Variants in TTBK1 observed in about 807,000 individuals in gnomAD.
TTBK1 encodes tau tubulin kinase 1.
In TTBK1, 34 loss-of-function variants were observed where a neutral mutation model predicts 108.5. The observed-to-expected ratio is 0.31, with a 90% confidence interval of 0.24 to 0.42. The LOEUF is 0.42. Ranked by LOEUF, TTBK1 falls within the 10% of genes least tolerant of loss-of-function variation. TTBK1 has a pLI of 1.00. For synonymous variants in TTBK1, 809 were observed against 795.1 expected, an observed-to-expected ratio of 1.02 and a Z score of -0.29; for missense variants, 1,539 against 1,826.0, an observed-to-expected ratio of 0.84 and a Z score of 2.86.
chr6:43,263,210 C>A lies in TTBK1; in HGVS notation c.1846C>A (p.Leu616Met). ...EDLQHLPPQPLPPQLSQGDGR... is the reference protein window; with the variant it reads ...EDLQHLPPQPMPPQLSQGDGR... The stretch of plus-strand genomic sequence containing the variant: ...CCTGCAGCATTTGCCGCCCCAGCCC[C>A]TGCCACCCCAGCTGAGCCAGGGCGA... Residue 616 changes from leucine to methionine, a missense_variant, in exon 13 of 15, where the codon CTG (leucine) becomes ATG (methionine). By Grantham distance (15) the Leu-to-Met change is conservative. This residue lies in a region of TTBK1 where 1,055 missense variants were observed against 1,086.5 expected (regional missense o/e 0.97). Coordinates refer to ENST00000259750, the MANE Select transcript of TTBK1 (RefSeq NM_032538.3). This position sits in a 1 kb window ranked among gnomAD's most constrained non-coding sequence, Gnocchi z 4.7. The A allele has an allele frequency of 6.3e-7, 1 of 1,579,910 alleles. No individual in the cohort carries two copies.
chr6:43,272,563 C>G, intron 13 of TTBK1: 1 of 985,364 alleles, frequency 1.0e-6, no homozygotes. Context: ...GGGGGACATC[C>G]TTTTGTATAT....
intron 1 of TTBK1, 105 bp from the exon 2 acceptor site, chr6:43,246,502 G>A: frequency 1.8e-6 from 1 of 559,706 alleles, no homozygotes; most frequent in South Asian, 2.4e-5. Flanking sequence ...TCTGTCCAGT[G>A]GGGCCAGGAA....
chr6:43,281,295 GA>G (rs1275757261), intron 13 of TTBK1, among the ~76,000 whole-genome samples: 4 of 150,902 alleles, frequency 2.7e-5, no homozygotes, highest in Non-Finnish European at 5.9e-5. Context: ...AGAATCACTT[GA>G]ACCCGGGAGG....
In TTBK1 at chr6:43,282,064, A is replaced by G. The variant is rs1778179242; in HGVS notation, c.1987-663A>G. On this transcript the variant is annotated intron_variant, in intron 13 of 14. Coordinates refer to ENST00000259750, the MANE Select transcript of TTBK1 (RefSeq NM_032538.3). The surrounding 1 kb of genome is among the most constrained non-coding windows in gnomAD (Gnocchi z 5.4). ...AAGTATACCTGTCGAGGGCTGGACA[A>G]ATTCCTGGCTGAGAGGATGGATTGG... Among the ~76,000 whole-genome samples, 2 of 152,220 alleles carry G rather than the reference A, an allele frequency of 1.3e-5. No individual in the cohort carries two copies. Among genetic ancestry groups the G allele is most frequent in the Non-Finnish European group, 2.9e-5 (2 of 68,034 alleles).
At position 43,263,153 on chromosome 6, in the gene TTBK1, G is replaced by A. The variant is rs1333133898; in HGVS notation, c.1789G>A (p.Gly597Arg). 1.3e-6 allele frequency: 2 copies of A among 1,570,094 alleles called. No homozygotes were observed. The highest frequency in any genetic ancestry group is 1.3e-5 in the African/African-American group (1 of 74,114). The change falls in exon 13 of 15, where the codon GGA (glycine) becomes AGA (arginine). Residue 597 changes from glycine to arginine, a missense_variant. By Grantham distance (125) the Gly-to-Arg change is moderately radical. This residue lies in a region of TTBK1 where 1,055 missense variants were observed against 1,086.5 expected (regional missense o/e 0.97). Coordinates refer to ENST00000259750, the MANE Select transcript of TTBK1 (RefSeq NM_032538.3). This position sits in a 1 kb window ranked among gnomAD's most constrained non-coding sequence, Gnocchi z 4.7. ...LGAEPTVRPR[G>R]RSMQALAEED... is the part of the protein sequence containing the mutation. ...GGCAGAGCCCACCGTCCGGCCCCGGGGACGCAGCATGCAGGCGCTGGCGGA... is the reference window on the plus strand; with the variant it reads ...GGCAGAGCCCACCGTCCGGCCCCGGAGACGCAGCATGCAGGCGCTGGCGGA...
chr6:43,247,498 T>C (rs778965948), intron 2 of TTBK1, among the ~76,000 whole-genome samples: 1 of 152,066 alleles, frequency 6.6e-6, no homozygotes, highest in East Asian at 1.9e-4. Flanking sequence ...CCTCTTATTA[T>C]TGTGGGGGCA....
chr6:43,267,160 A>G (rs916031717), intron 13 of TTBK1, among the ~76,000 whole-genome samples: 9 of 152,152 alleles, frequency 5.9e-5, no homozygotes, highest in African/African-American at 1.7e-4. Context: ...GGGGTACAAC[A>G]TGTTTCGCCA....
rs1778355093 is a variant in TTBK1 at position 43,285,560 on chromosome 6, C to T, written c.*184C>T. The T allele has an allele frequency of 1.4e-6, 1 of 727,490 alleles. No individual in the cohort carries two copies. The highest frequency in any genetic ancestry group is 1.9e-5 in the African/African-American group (1 of 53,930). The allele number at this position is 727,490 out of a possible 1,614,324, so 45.1% of individuals were successfully genotyped here. On this transcript the variant is annotated 3_prime_UTR_variant, in exon 15 of 15. Transcript: ENST00000259750. This position sits in a 1 kb window ranked among gnomAD's most constrained non-coding sequence, Gnocchi z 4.7. The stretch of plus-strand genomic sequence containing the variant: ...CGCGGCGCCCCGCCAGGCCTTAGGG[C>T]CCGTGGGGGACGCGGCCCCGCGCCG...
intron 14 of TTBK1, among the ~76,000 whole-genome samples, chr6:43,284,541 C>T (rs1010861435): frequency 6.6e-6 from 1 of 152,164 alleles, no homozygotes; most frequent in Admixed American, 6.5e-5. Context: ...GAGGGGGTGC[C>T]GGAGAGGCCA....
intron 1 of TTBK1, among the ~76,000 whole-genome samples, chr6:43,245,979 C>T (rs997081201): frequency 2.0e-5 from 3 of 152,234 alleles, no homozygotes; most frequent in Non-Finnish European, 4.4e-5. Context: ...ACCTCCCAAC[C>T]CCATGGCTGT....
chr6:43,282,885 C>T lies in TTBK1; in HGVS notation c.2145C>T (p.Leu715=), dbSNP rs1204601681. Residue 715 remains leucine, a synonymous_variant, in exon 14 of 15, where the codon CTC becomes CTT. Coordinates refer to ENST00000259750, the MANE Select transcript of TTBK1 (RefSeq NM_032538.3). The surrounding 1 kb of genome is among the most constrained non-coding windows in gnomAD (Gnocchi z 5.4). ...VRRVGFSHML[L]TTPQVPLAPV... ...GGGTGGGCTTCTCGCACATGCTGCT[C>T]ACCACCCCCCAGGTCCCACTGGCTC... 1 of 1,613,790 alleles carries T rather than the reference C, an allele frequency of 6.2e-7. No individual in the cohort carries two copies. Among genetic ancestry groups the T allele is most frequent in the Non-Finnish European group, 8.5e-7 (1 of 1,179,970 alleles).
chr6:43,279,612 G>A (rs1311403822), intron 13 of TTBK1, among the ~76,000 whole-genome samples: 1 of 152,140 alleles, frequency 6.6e-6, no homozygotes. Context: ...ATTGGTGACT[G>A]GCAAAGTGTC....
chr6:43,258,033 T>A, intron 10 of TTBK1, 67 bp downstream of exon 10: 1 of 1,520,154 alleles, frequency 6.6e-7, no homozygotes, highest in Non-Finnish European at 8.9e-7. Flanking sequence ...CAGGCGGTCC[T>A]CTCCTCTCCT....
In TTBK1 at chr6:43,254,642, T is replaced by C; in HGVS notation, c.567T>C (p.Asp189=). ...GGCAGTACACCAACACCACGGGGGA[T>C]GTGCGGCCCGTGAGTACCGTCGGGG... ...LARQYTNTTG[D]VRPPRNVAGF... Residue 189 remains aspartate (D), a synonymous_variant, in exon 6 of 15, where the codon GAT becomes GAC. Coordinates refer to ENST00000259750, the MANE Select transcript of TTBK1 (RefSeq NM_032538.3). 1 of 1,575,946 alleles carries C rather than the reference T, an allele frequency of 6.3e-7. No homozygotes were observed. Among genetic ancestry groups the C allele is most frequent in the Non-Finnish European group, 8.6e-7 (1 of 1,162,578 alleles).
intron 2 of TTBK1, 51 bp from the exon 3 acceptor site, chr6:43,252,688 G>A (rs755871680): frequency 3.1e-6 from 5 of 1,598,820 alleles, no homozygotes; most frequent in Middle Eastern, 1.7e-4. Flanking sequence ...GGTGGGATGA[G>A]GAGCTGTTCA....
chr6:43,276,740 G>A lies in TTBK1; in HGVS notation c.1987-5987G>A, dbSNP rs141302054. On this transcript the variant is annotated intron_variant, in intron 13 of 14. Coordinates refer to ENST00000259750, the MANE Select transcript of TTBK1 (RefSeq NM_032538.3). This position sits in a 1 kb window ranked among gnomAD's most constrained non-coding sequence, Gnocchi z 5.4. ...CAGTGTAGACCCTGGCTCTGAGGTC[G>A]CCGGGCTGGGCAGAGGGCAGGGGTT... Among the ~76,000 whole-genome samples, 10 of 152,062 alleles carry A rather than the reference G, an allele frequency of 6.6e-5. No homozygotes were observed. Among genetic ancestry groups the A allele is most frequent in the Non-Finnish European group, 1.3e-4 (9 of 67,972 alleles).
chr6:43,277,044 C>T (rs1778020907), intron 13 of TTBK1, among the ~76,000 whole-genome samples: 1 of 152,052 alleles, frequency 6.6e-6, no homozygotes, highest in South Asian at 2.1e-4. Flanking sequence ...CCCACCAGGC[C>T]CAGTGATCAG....
Position 43,283,970 on chromosome 6 carries a change from A to G in TTBK1, c.3230A>G (p.Glu1077Gly), listed in dbSNP as rs576164133. 18 of 1,611,386 alleles carry G rather than the reference A, an allele frequency of 1.1e-5. No homozygotes were observed. Among genetic ancestry groups the G allele is most frequent in the Non-Finnish European group, 1.4e-5 (17 of 1,178,618 alleles). ...CCCTCAGGCTCACTGTCGGCCAAAG[A>G]GCGGTGGAGCAAGCGGGCTCGGCCG... ...SEPSGSLSAK[E>G]RWSKRARPQQ... The change falls in exon 14 of 15, where the codon GAG becomes GGG. Residue 1077 changes from glutamate (E) to glycine (G), a missense_variant. By Grantham distance (98) the Glu-to-Gly change is moderately conservative. This residue lies in a region of TTBK1 where 1,055 missense variants were observed against 1,086.5 expected (regional missense o/e 0.97). Coordinates refer to ENST00000259750, the MANE Select transcript of TTBK1 (RefSeq NM_032538.3). This position sits in a 1 kb window ranked among gnomAD's most constrained non-coding sequence, Gnocchi z 8.1.
rs761018441 is a variant in TTBK1, at chr6:43,252,831, C to A, written c.201C>A (p.Ala67=). The A allele has an allele frequency of 5.6e-6, 9 of 1,613,734 alleles. No individual in the cohort carries two copies. Among genetic ancestry groups the A allele is most frequent in the Non-Finnish European group, 3.4e-6 (4 of 1,179,956 alleles). Residue 67 remains alanine (A), a synonymous_variant, in exon 3 of 15, where the codon GCC becomes GCA. Transcript: ENST00000259750. ...ATGTGGCCCTCAAGGTGGAGTCAGC[C>A]CAGCAGCCCAAGCAGGTCCTCAAGA... ...RENVALKVES[A]QQPKQVLKME...
Sources: gnomAD v4.1 joint callset for allele counts (sites outside exome capture counted in the v4.1 genomes callset) on GRCh38, gnomAD v4.1.1 for gene constraint, gnomAD v4.1.1 regional missense constraint, Gnocchi (gnomAD v3.1) non-coding constraint, MANE v1.5 for transcripts, NCBI Gene and HGNC (gene_info 2026-07-23, HGNC 2026-07-21) for gene names.